The following ITSN1 variants were observed in gnomAD, a reference collection of about 807,000 sequenced individuals.
ITSN1 encodes the protein intersectin 1.
A neutral mutation model predicts 239.8 loss-of-function variants in ITSN1; 58 were observed. The observed-to-expected ratio is 0.24, with a 90% CI of 0.20 to 0.30. The LOEUF (loss-of-function observed/expected upper bound fraction) is 0.30. Among genes scored for constraint, ITSN1 ranks in the 10% least tolerant of loss-of-function variants. The pLI is 1.00. For synonymous variants in ITSN1, 780 were observed against 770.8 expected (o/e 1.01, Z -0.20); for missense variants, 1,558 against 2,103.3 (o/e 0.74, Z 5.07).
chr21:33,767,616 G>T, intron 10 of ITSN1, 97 bp from the exon 11 acceptor site: 1 of 552,126 alleles, frequency 1.8e-6, no homozygotes, highest in Non-Finnish European at 3.2e-6. Flanking sequence ...TTGCTCCATG[G>T]CATGGTAAAA....
At chr21:33,687,252 T>TTTGGGC (rs2091288454) in intron 1 of ITSN1, among the ~76,000 whole-genome samples, 1 of 150,804 alleles carries the variant, frequency 6.6e-6, no homozygotes, top group Non-Finnish European at 1.5e-5. Flanking sequence ...AAAAAAATTA[T>TTTGGGC]TTGGGCTTGG....
At chr21:33,716,005 G>T (rs1391734831) in intron 1 of ITSN1, among the ~76,000 whole-genome samples, 1 of 152,178 alleles carries the variant, frequency 6.6e-6, no homozygotes, top group Non-Finnish European at 1.5e-5. Context: ...AGTGACCAAA[G>T]ATTTTAACAA....
At chr21:33,860,262 G>A (rs373062844) in intron 31 of ITSN1, among the ~76,000 whole-genome samples, 2 of 147,554 alleles carry the variant, frequency 1.4e-5, no homozygotes, top group African/African-American at 2.5e-5. Flanking sequence ...AGCCAAGATC[G>A]CACCACTGCA....
intron 14 of ITSN1, among the ~76,000 whole-genome samples, chr21:33,778,597 G>GA (rs2069856199): frequency 4.4e-4 from 1 of 2,260 alleles, no homozygotes; most frequent in Admixed American, 3.6e-3. Context: ...TTTTTTTTTT[G>GA]AGACGGAGTC....
In ITSN1 at chr21:33,865,307, G is replaced by A; in HGVS notation, c.4047G>A (p.Glu1349=). ...GAALIQQKTD[E]APDFKEFVKR... is the part of the protein sequence containing the mutation. ...CCCTGATCCAGCAGAAGACGGATGA[G>A]GCCCCAGACTTCAAGGAGTTCGTCA... Residue 1349 remains glutamate (E), a synonymous_variant, in exon 32 of 40, where the codon GAG becomes GAA. Transcript: ENST00000381318. The surrounding 1 kb of genome is among the most constrained non-coding windows in gnomAD (Gnocchi z 4.4). The A allele has an allele frequency of 6.3e-7, 1 of 1,576,230 alleles. No homozygotes were observed.
At chr21:33,800,434 C>T (rs187016672) in intron 19 of ITSN1, among the ~76,000 whole-genome samples, 27 of 152,236 alleles carry the variant, frequency 1.8e-4, no homozygotes, top group Middle Eastern at 3.4e-3. Context: ...AAGTGCAAAA[C>T]ACTCTATCAA....
intron 1 of ITSN1, among the ~76,000 whole-genome samples, chr21:33,703,142 G>GTATATATATAAAGAAAGAA (rs1160440373): frequency 6.7e-6 from 1 of 149,406 alleles, no homozygotes; most frequent in African/African-American, 2.5e-5. Context: ...TATATAAATT[G>GTATATATATAAAGAAAGAA]TATATATATA....
intron 16 of ITSN1, among the ~76,000 whole-genome samples, chr21:33,792,329 C>T (rs1479957312): frequency 6.6e-6 from 1 of 152,124 alleles, no homozygotes; most frequent in Non-Finnish European, 1.5e-5. Context: ...CTCAGCCTCC[C>T]GAGTAGCTGG....
intron 34 of ITSN1, among the ~76,000 whole-genome samples, chr21:33,880,758 C>T (rs1984764973): frequency 6.6e-6 from 1 of 152,004 alleles, no homozygotes; most frequent in Admixed American, 6.6e-5. Flanking sequence ...CTCCGGAGCG[C>T]CCCCCAGGCC....
intron 22 of ITSN1, chr21:33,817,207 A>T (rs1176640363): frequency 1.6e-6 from 2 of 1,285,172 alleles, no homozygotes; most frequent in East Asian, 5.7e-5. Flanking sequence ...AAAAGATAAT[A>T]AATGCCTCAC....
At chr21:33,710,227 G>A (rs1027039600) in intron 1 of ITSN1, among the ~76,000 whole-genome samples, 2 of 151,504 alleles carry the variant, frequency 1.3e-5, no homozygotes, top group Non-Finnish European at 2.9e-5. Flanking sequence ...TGCAGGCACC[G>A]GCCACCACGC....
intron 1 of ITSN1, among the ~76,000 whole-genome samples, chr21:33,661,832 C>G (rs2089582726): frequency 6.6e-6 from 1 of 151,960 alleles, no homozygotes; most frequent in Non-Finnish European, 1.5e-5. Flanking sequence ...TGAGACATAC[C>G]TTTTGCCTTC....
At chr21:33,649,650 T>G (rs1030759696) in intron 1 of ITSN1, among the ~76,000 whole-genome samples, 1 of 152,090 alleles carries the variant, frequency 6.6e-6, no homozygotes, top group Non-Finnish European at 1.5e-5. Flanking sequence ...TGGCCCTTCA[T>G]TGAGTGGTGG....
chr21:33,875,618 C>T (rs1983604736), intron 34 of ITSN1, 97 bp downstream of exon 34: 2 of 1,071,620 alleles, frequency 1.9e-6, no homozygotes, highest in Admixed American at 2.6e-5. Flanking sequence ...TTCTCCTCCC[C>T]AGCCGATAGC....
At position 33,673,484 on chromosome 21, in the gene ITSN1, A is replaced by G. The variant is rs117809852; in HGVS notation, c.-33+30771A>G. Among the ~76,000 whole-genome samples, 471 of 152,344 alleles carry G rather than the reference A, an allele frequency of 3.1e-3. 2 individuals are homozygous for G. Among genetic ancestry groups the G allele is most frequent in the Middle Eastern group, 6.8e-3 (2 of 294 alleles). On this transcript the variant is annotated intron_variant, in intron 1 of 39. Transcript: ENST00000381318. The stretch of plus-strand genomic sequence containing the variant: ...TGTATAACAAAACATCGTGTCATGT[A>G]CCTTAAATTATACAATAAACAAAGA...
intron 1 of ITSN1, among the ~76,000 whole-genome samples, chr21:33,655,375 A>T (rs113050207): frequency 3.9e-5 from 6 of 151,908 alleles, no homozygotes; most frequent in African/African-American, 1.4e-4. Context: ...GCATCTGTAT[A>T]GGGGGTGAGT....
At chr21:33,814,195 C>A in intron 22 of ITSN1, 123 bp downstream of exon 22, 3 of 985,888 alleles carry the variant, frequency 3.0e-6, no homozygotes, top group Non-Finnish European at 4.3e-6. Flanking sequence ...GGTTGGCTGG[C>A]AGTATGGGAA....
At chr21:33,676,992 A>G (rs541235318) in intron 1 of ITSN1, among the ~76,000 whole-genome samples, 46 of 133,908 alleles carry the variant, frequency 3.4e-4, no homozygotes, top group Non-Finnish European at 5.7e-4. Flanking sequence ...AACATCACAC[A>G]CCGGGACCTG....
chr21:33,877,510 C>G (rs1984139966), intron 34 of ITSN1, among the ~76,000 whole-genome samples: 2 of 152,306 alleles, frequency 1.3e-5, no homozygotes, highest in South Asian at 4.1e-4. Context: ...AGCACACATT[C>G]TCAGGGCACG....
Sources: gnomAD v4.1 joint callset for allele counts (sites outside exome capture counted in the v4.1 genomes callset) on GRCh38, gnomAD v4.1.1 for gene constraint, Gnocchi (gnomAD v3.1) non-coding constraint, MANE v1.5 for transcripts, NCBI Gene and HGNC (gene_info 2026-07-23, HGNC 2026-07-21) for gene names.